Variants in GRIP1 observed in about 807,000 individuals in gnomAD.
GRIP1 encodes glutamate receptor interacting protein 1.
A neutral mutation model predicts 129.9 loss-of-function variants in GRIP1; 45 were observed. The observed-to-expected ratio is 0.35, with a 90% CI of 0.27 to 0.44. GRIP1 has a LOEUF of 0.44. Among genes scored for constraint, GRIP1 ranks in the 20% least tolerant of loss-of-function variants. The probability of loss-of-function intolerance (pLI) is 1.00; values close to 1 mark genes in which losing one functional copy is unlikely to be tolerated. For missense variants in GRIP1, 1,196 were observed against 1,396.8 expected, an observed-to-expected ratio of 0.86 and a Z score of 2.29; for synonymous variants, 530 against 520.8, an observed-to-expected ratio of 1.02 and a Z score of -0.24.
At chr12:66,920,009 T>A (rs1266292046) in intron 1 of GRIP1, among the ~76,000 whole-genome samples, 1 of 152,020 alleles carries the variant, frequency 6.6e-6, no homozygotes, top group African/African-American at 2.4e-5. Context: ...CAAATAATTG[T>A]CAATAATATA....
intron 4 of GRIP1, among the ~76,000 whole-genome samples, chr12:66,533,863 T>C (rs11612818): frequency 1.0e-5 from 1 of 98,272 alleles, no homozygotes; most frequent in Non-Finnish European, 2.3e-5. Context: ...ACACACACAC[T>C]CACACACACA....
chr12:66,680,633 TA>T (rs1478919279), upstream of GRIP1, among the ~76,000 whole-genome samples: 1 of 143,420 alleles, frequency 7.0e-6, no homozygotes, highest in African/African-American at 2.5e-5. Flanking sequence ...GCCTCCTTGA[TA>T]TTTTTTTGCT....
At chr12:66,820,163 C>G (rs190178194) in intron 1 of GRIP1, among the ~76,000 whole-genome samples, 1 of 152,190 alleles carries the variant, frequency 6.6e-6, no homozygotes, top group Non-Finnish European at 1.5e-5. Flanking sequence ...GTAATCCCAG[C>G]ACTTTGGAAG....
chr12:66,867,328 C>T (rs1266424858), intron 1 of GRIP1, among the ~76,000 whole-genome samples: 1 of 152,050 alleles, frequency 6.6e-6, no homozygotes, highest in Non-Finnish European at 1.5e-5. Flanking sequence ...ATTTGATGTT[C>T]CTGGACAGAA....
rs904155839 is a variant in GRIP1 at position 66,916,117 on chromosome 12, C to T, written c.58+152933G>A. The stretch of plus-strand genomic sequence containing the variant: ...GTGGAGCCTATGGGTCCTAAGTATG[C>T]CCACCTCTACCCTAAATATAAAATG... On this transcript the variant is annotated intron_variant, in intron 1 of 1. Transcript: ENST00000643019. 4.5e-4 allele frequency among the ~76,000 whole-genome samples: 69 copies of T among 152,242 alleles called. 1 individual carries two copies. Among genetic ancestry groups the T allele is most frequent in the African/African-American group, 1.4e-3 (58 of 41,544 alleles).
chr12:67,040,829 C>T (rs892938840), intron 1 of GRIP1, among the ~76,000 whole-genome samples: 2 of 152,128 alleles, frequency 1.3e-5, no homozygotes, highest in African/African-American at 4.8e-5. Context: ...CCACAGTGCC[C>T]AGATACTCAG....
At chr12:66,785,575 C>A (rs1171533051) in intron 1 of GRIP1, among the ~76,000 whole-genome samples, 5 of 151,680 alleles carry the variant, frequency 3.3e-5, no homozygotes, top group Non-Finnish European at 7.4e-5. Flanking sequence ...TTCCCCATAT[C>A]AAAATGTGTC....
intron 1 of GRIP1, among the ~76,000 whole-genome samples, chr12:66,645,085 G>C (rs1164308642): frequency 6.6e-6 from 1 of 152,096 alleles, no homozygotes; most frequent in Non-Finnish European, 1.5e-5. Context: ...CCCAGTTTTA[G>C]TTTTATCATG....
At chr12:66,528,279 C>T (rs1348529635) in intron 5 of GRIP1, among the ~76,000 whole-genome samples, 5 of 151,796 alleles carry the variant, frequency 3.3e-5, no homozygotes, top group South Asian at 2.1e-4. Context: ...GGACTACAGG[C>T]GCCTGCCACC....
intron 15 of GRIP1, among the ~76,000 whole-genome samples, chr12:66,413,841 C>G (rs575180939): frequency 6.6e-6 from 1 of 152,280 alleles, no homozygotes; most frequent in African/African-American, 2.4e-5. Flanking sequence ...GAACTAAAGA[C>G]AAAAACCACA....
intron 23 of GRIP1, among the ~76,000 whole-genome samples, chr12:66,362,715 G>A (rs2137179662): frequency 6.6e-6 from 1 of 151,970 alleles, no homozygotes; most frequent in Middle Eastern, 3.4e-3. Context: ...AAACTTAAGG[G>A]AAGCTATTAA....
chr12:66,506,684 G>C (rs561399560), intron 7 of GRIP1, among the ~76,000 whole-genome samples: 1 of 152,098 alleles, frequency 6.6e-6, no homozygotes, highest in Non-Finnish European at 1.5e-5. Context: ...TAATACAAAA[G>C]TAAATTTTAA....
chr12:66,882,210 C>A (rs1474634790), intron 1 of GRIP1, among the ~76,000 whole-genome samples: 31 of 129,484 alleles, frequency 2.4e-4, no homozygotes, highest in African/African-American at 8.6e-4. Context: ...TGTGCCATCA[C>A]AAAAAAAAAA....
intron 1 of GRIP1, among the ~76,000 whole-genome samples, chr12:67,009,701 A>T (rs1437043620): frequency 6.6e-6 from 1 of 152,168 alleles, no homozygotes; most frequent in Non-Finnish European, 1.5e-5. Context: ...GTTAATCCTC[A>T]TCCAAGACAA....
chr12:66,436,495 C>A (rs974349784), intron 13 of GRIP1, among the ~76,000 whole-genome samples: 2 of 151,996 alleles, frequency 1.3e-5, no homozygotes, highest in Admixed American at 1.3e-4. Context: ...CAGTAACAAA[C>A]AAGGCAAAAT....
chr12:66,906,101 C>T (rs1385523317), intron 1 of GRIP1, among the ~76,000 whole-genome samples: 6 of 152,174 alleles, frequency 3.9e-5, no homozygotes, highest in African/African-American at 1.2e-4. Context: ...ATTTCAAAGG[C>T]AAAACTTGTA....
intron 1 of GRIP1, among the ~76,000 whole-genome samples, chr12:66,720,735 G>A (rs910977009): frequency 1.3e-5 from 2 of 152,116 alleles, no homozygotes; most frequent in Non-Finnish European, 2.9e-5. Context: ...CAGCAATTAG[G>A]TCATATCTTT....
chr12:66,914,942 CAG>C (rs2041095073), intron 1 of GRIP1, among the ~76,000 whole-genome samples: 1 of 152,156 alleles, frequency 6.6e-6, no homozygotes, highest in Admixed American at 6.5e-5. Context: ...ATGGGCAACA[CAG>C]AGTGACCCCG....
chr12:66,531,341 A>G (rs1473723078), intron 4 of GRIP1, among the ~76,000 whole-genome samples: 4 of 69,304 alleles, frequency 5.8e-5, no homozygotes, highest in Non-Finnish European at 1.1e-4. Flanking sequence ...ATACATATAT[A>G]TACACACACA....
Sources: allele counts gnomAD v4.1 joint callset (sites outside exome capture counted in the v4.1 genomes callset), GRCh38; gene constraint gnomAD v4.1.1; transcripts MANE v1.5; gene names NCBI Gene and HGNC (gene_info 2026-07-23, HGNC 2026-07-21).